The following ATP8A2 variants were observed in gnomAD, a reference collection of about 807,000 sequenced individuals.
The protein encoded by ATP8A2 is phospholipid-transporting ATPase IB.
Under a neutral mutation model 165.6 loss-of-function variants are expected in ATP8A2, and 100 were observed. The ratio of observed to expected loss-of-function variants is 0.60; its 90% CI spans 0.51 to 0.71. ATP8A2 has a LOEUF of 0.71. ATP8A2 is among the 30% of genes least tolerant of loss of function. The pLI is 0.00. For synonymous variants in ATP8A2, 543 were observed against 548.8 expected (o/e 0.99, Z 0.15); for missense variants, 1,227 against 1,479.5 (o/e 0.83, Z 2.80).
At chr13:25,873,828 C>T (rs572889305) in intron 33 of ATP8A2, 21 of 168,696 alleles carry the variant, frequency 1.2e-4, no homozygotes, top group Middle Eastern at 2.4e-3. Context: ...TTAGTTTCAC[C>T]GTGTTAGCCA....
At chr13:25,410,969 G>GT (rs2033948581) in intron 1 of ATP8A2, among the ~76,000 whole-genome samples, 1 of 152,154 alleles carries the variant, frequency 6.6e-6, no homozygotes, top group African/African-American at 2.4e-5. Context: ...TGTTCATCCA[G>GT]TTTTTCTGCT....
intron 2 of ATP8A2, among the ~76,000 whole-genome samples, chr13:25,528,492 G>A (rs1318672728): frequency 6.6e-6 from 1 of 152,148 alleles, no homozygotes; most frequent in Non-Finnish European, 1.5e-5. Flanking sequence ...ACCTCTGGCT[G>A]CTATATTTTT....
At chr13:25,954,412 G>A (rs1221349794) in intron 33 of ATP8A2, among the ~76,000 whole-genome samples, 3 of 152,212 alleles carry the variant, frequency 2.0e-5, no homozygotes, top group African/African-American at 7.2e-5. Flanking sequence ...CTGGGGGAAG[G>A]GGCAGCTGTG....
At chr13:25,954,899 G>A (rs60472698) in intron 33 of ATP8A2, among the ~76,000 whole-genome samples, 9,893 of 152,202 alleles carry the variant, frequency 0.065, 473 homozygotes, top group African/African-American at 0.13. Context: ...GGAAAAAACA[G>A]CACAAAAAGG....
intron 2 of ATP8A2, among the ~76,000 whole-genome samples, chr13:25,496,389 G>A: frequency 6.6e-6 from 1 of 152,158 alleles, no homozygotes; most frequent in Non-Finnish European, 1.5e-5. Flanking sequence ...ACCCCTGCAT[G>A]AAATCTACAT....
intron 27 of ATP8A2, among the ~76,000 whole-genome samples, chr13:25,811,850 G>T (rs1340242884): frequency 6.6e-6 from 1 of 152,192 alleles, no homozygotes; most frequent in Non-Finnish European, 1.5e-5. Flanking sequence ...GACAGAGCAA[G>T]ACCCTATCTC....
intron 24 of ATP8A2, among the ~76,000 whole-genome samples, chr13:25,671,555 C>T (rs959923699): frequency 1.3e-5 from 2 of 152,082 alleles, no homozygotes; most frequent in South Asian, 2.1e-4. Context: ...TCTAAACTGG[C>T]CCCCCTGGGT....
intron 27 of ATP8A2, among the ~76,000 whole-genome samples, chr13:25,776,374 A>G (rs904088868): frequency 5.3e-5 from 8 of 152,188 alleles, no homozygotes; most frequent in Admixed American, 1.3e-4. Context: ...GCTTAAGTGT[A>G]TTTCCCTAGG....
In ATP8A2 at chr13:25,947,969, C is replaced by T. The variant is rs116495901; in HGVS notation, c.3184-13606C>T. Among the ~76,000 whole-genome samples, 524 of 152,166 alleles carry T rather than the reference C, an allele frequency of 3.4e-3. 1 individual carries two copies. Among genetic ancestry groups the T allele is most frequent in the African/African-American group, 0.012 (498 of 41,510 alleles). Reference sequence around the variant, plus strand: ...CTGATGAGGGGACGTTCACCTGCACCTATTAATTAAAATAGAAGACACCCA... The same window carrying T: ...CTGATGAGGGGACGTTCACCTGCACTTATTAATTAAAATAGAAGACACCCA... On this transcript the variant is annotated intron_variant, in intron 33 of 36. Transcript: ENST00000381655.
chr13:25,702,102 ATG>A (rs765709264), intron 25 of ATP8A2, among the ~76,000 whole-genome samples: 51 of 152,326 alleles, frequency 3.3e-4, no homozygotes, highest in Non-Finnish European at 1.2e-4. Flanking sequence ...TAAATTTAAT[ATG>A]TGGCTTCAAA....
At chr13:25,402,637 A>G (rs2033673440) in intron 1 of ATP8A2, among the ~76,000 whole-genome samples, 1 of 152,148 alleles carries the variant, frequency 6.6e-6, no homozygotes, top group Admixed American at 6.5e-5. Flanking sequence ...TCATGGAAAT[A>G]TGGTTGCTAT....
Position 25,721,908 on chromosome 13 carries a change from G to A in ATP8A2, c.2384+22563G>A, listed in dbSNP as rs754087977. Among the ~76,000 whole-genome samples, 28 of 152,248 alleles carry A rather than the reference G, an allele frequency of 1.8e-4. 1 individual carries two copies. Among genetic ancestry groups the A allele is most frequent in the Middle Eastern group, 3.4e-3 (1 of 294 alleles). On this transcript the variant is annotated intron_variant, in intron 25 of 36. Transcript: ENST00000381655. ...TGATAAATAATGCTGCTATGAACAC[G>A]CATGTACAAGTTTTTGCAAGGATAT...
chr13:25,542,591 G>A (rs2038516448), intron 9 of ATP8A2, among the ~76,000 whole-genome samples: 1 of 152,068 alleles, frequency 6.6e-6, no homozygotes, highest in Non-Finnish European at 1.5e-5. Flanking sequence ...TTCTGGCCAT[G>A]TTTGTCTAGA....
At chr13:25,845,992 A>G (rs1370310179) in intron 30 of ATP8A2, among the ~76,000 whole-genome samples, 1 of 152,206 alleles carries the variant, frequency 6.6e-6, no homozygotes, top group Non-Finnish European at 1.5e-5. Flanking sequence ...CCTGACCAAC[A>G]TGGTGAAACC....
At chr13:25,529,760 A>G (rs1354005071) in intron 2 of ATP8A2, among the ~76,000 whole-genome samples, 1 of 152,208 alleles carries the variant, frequency 6.6e-6, no homozygotes, top group Non-Finnish European at 1.5e-5. Flanking sequence ...AAAATTAAAG[A>G]AGCACATGTA....
chr13:25,753,314 C>T (rs1415159157), intron 25 of ATP8A2, among the ~76,000 whole-genome samples: 4 of 152,220 alleles, frequency 2.6e-5, no homozygotes, highest in African/African-American at 9.6e-5. Context: ...CTTTATACAG[C>T]CATTTCTAGC....
intron 35 of ATP8A2, among the ~76,000 whole-genome samples, chr13:25,972,506 G>C (rs951194112): frequency 1.3e-5 from 2 of 152,156 alleles, no homozygotes; most frequent in African/African-American, 4.8e-5. Context: ...TGTTTTTCAC[G>C]ATGTGGTGTT....
At chr13:25,634,649 G>A in intron 24 of ATP8A2, among the ~76,000 whole-genome samples, 1 of 152,058 alleles carries the variant, frequency 6.6e-6, no homozygotes, top group African/African-American at 2.4e-5. Context: ...ATAAGTCCAT[G>A]TATCTTAGTT....
intron 30 of ATP8A2, among the ~76,000 whole-genome samples, chr13:25,849,321 C>T (rs1455532978): frequency 3.3e-5 from 5 of 152,122 alleles, no homozygotes; most frequent in African/African-American, 9.7e-5. Context: ...TGTTAAACGC[C>T]GTCTCTTCTG....
Sources: allele counts gnomAD v4.1 joint callset (sites outside exome capture counted in the v4.1 genomes callset), GRCh38; gene constraint gnomAD v4.1.1; transcripts MANE v1.5; gene names NCBI Gene and HGNC (gene_info 2026-07-23, HGNC 2026-07-21).